The following ASIC2 variants were observed in gnomAD, a reference collection of about 807,000 sequenced individuals.
ASIC2 encodes acid sensing ion channel subunit 2.
In ASIC2, 25 loss-of-function variants were observed where a neutral mutation model predicts 57.3. The observed-to-expected ratio is 0.44, with a 90% CI of 0.32 to 0.61. The LOEUF (loss-of-function observed/expected upper bound fraction) is 0.61. ASIC2 is among the 20% of genes least tolerant of loss of function. The pLI is 0.06. For missense variants in ASIC2, 641 were observed against 738.1 expected (o/e 0.87, Z 1.52); for synonymous variants, 319 against 307.5 (o/e 1.04, Z -0.39).
chr17:33,543,312 A>T (rs1281549928), intron 1 of ASIC2, among the ~76,000 whole-genome samples: 6 of 135,764 alleles, frequency 4.4e-5, no homozygotes, highest in Non-Finnish European at 6.2e-5. Flanking sequence ...CAAAAAAAAC[A>T]AATCAATCTT....
At chr17:33,698,080 T>G (rs989621136) in intron 1 of ASIC2, among the ~76,000 whole-genome samples, 1 of 152,256 alleles carries the variant, frequency 6.6e-6, no homozygotes, top group African/African-American at 2.4e-5. Flanking sequence ...CTACTTTATA[T>G]TCACATAATT....
rs532777362 is a variant in ASIC2, at chr17:33,542,619, T to G, written c.556-430552A>C. Among the ~76,000 whole-genome samples the G allele has an allele frequency of 4.1e-3, 344 of 84,610 alleles. 13 individuals are homozygous for G. The Admixed American group carries it at 0.044, about 11-fold the overall frequency. 55.5% of individuals were successfully genotyped at this position (84,610 alleles called of 152,430 possible). ...TTTGTTTTTTTCTTGTAAATTTGTT[T>G]GAGTTCATTGTAGATTCTGGATATT... On this transcript the variant is annotated intron_variant, in intron 1 of 9. Coordinates refer to the ASIC2 transcript ENST00000359872.
intron 1 of ASIC2, among the ~76,000 whole-genome samples, chr17:33,258,224 T>C (rs912049809): frequency 2.0e-5 from 3 of 152,246 alleles, no homozygotes; most frequent in Non-Finnish European, 4.4e-5. Context: ...TTTAGGAGTA[T>C]CTAGTTACAC....
chr17:33,670,385 A>T (rs1907605643), intron 1 of ASIC2, among the ~76,000 whole-genome samples: 1 of 152,226 alleles, frequency 6.6e-6, no homozygotes, highest in South Asian at 2.1e-4. Context: ...GGAATGCTGA[A>T]TCTTCAGGAC....
intron 1 of ASIC2, among the ~76,000 whole-genome samples, chr17:33,446,923 G>A (rs922874328): frequency 3.9e-5 from 6 of 152,152 alleles, no homozygotes; most frequent in African/African-American, 1.4e-4. Context: ...ATAATTATCT[G>A]CCTAAGATAT....
intron 1 of ASIC2, among the ~76,000 whole-genome samples, chr17:33,556,477 G>C (rs1268079997): frequency 6.6e-6 from 1 of 152,160 alleles, no homozygotes; most frequent in African/African-American, 2.4e-5. Flanking sequence ...TAATGCCAAG[G>C]AGCCACTGGA....
At chr17:33,650,387 T>C (rs1906880944) in intron 1 of ASIC2, among the ~76,000 whole-genome samples, 1 of 152,168 alleles carries the variant, frequency 6.6e-6, no homozygotes, top group African/African-American at 2.4e-5. Context: ...CTGGCGAGCA[T>C]GTAAAATGAC....
intron 1 of ASIC2, among the ~76,000 whole-genome samples, chr17:33,155,772 C>A (rs370573013): frequency 6.6e-6 from 1 of 152,150 alleles, no homozygotes; most frequent in East Asian, 1.9e-4. Flanking sequence ...GTTGGCCAGG[C>A]TGGTCTCCAA....
At chr17:34,112,047 G>T (rs1316093914) in intron 1 of ASIC2, among the ~76,000 whole-genome samples, 3 of 151,968 alleles carry the variant, frequency 2.0e-5, no homozygotes, top group African/African-American at 4.8e-5. Context: ...TTTTTTTAAG[G>T]TATTAGTAAC....
chr17:33,883,065 C>A (rs957075050), intron 1 of ASIC2, among the ~76,000 whole-genome samples: 11 of 151,886 alleles, frequency 7.2e-5, no homozygotes, highest in African/African-American at 2.7e-4. Flanking sequence ...ACAATGAGAA[C>A]ACATGGACAC....
At chr17:33,276,694 T>C (rs944414565) in intron 1 of ASIC2, among the ~76,000 whole-genome samples, 2 of 152,166 alleles carry the variant, frequency 1.3e-5, no homozygotes, top group Non-Finnish European at 2.9e-5. Context: ...CATTTCAGTA[T>C]CATATAAAGA....
intron 1 of ASIC2, among the ~76,000 whole-genome samples, chr17:33,680,143 G>C (rs557538851): frequency 6.6e-6 from 1 of 152,234 alleles, no homozygotes; most frequent in Admixed American, 6.5e-5. Flanking sequence ...GCATGCAGGA[G>C]GCTTAAAGAT....
intron 1 of ASIC2, among the ~76,000 whole-genome samples, chr17:33,398,535 G>A (rs950767328): frequency 6.6e-6 from 1 of 152,098 alleles, no homozygotes; most frequent in African/African-American, 2.4e-5. Flanking sequence ...GATGGTGATG[G>A]TTATAATAAT....
intron 1 of ASIC2, among the ~76,000 whole-genome samples, chr17:33,320,022 G>A (rs566353747): frequency 7.2e-5 from 11 of 152,294 alleles, no homozygotes; most frequent in African/African-American, 2.6e-4. Flanking sequence ...AGTAATTCAT[G>A]TGCAACCTGG....
chr17:33,866,298 G>A lies in ASIC2; in HGVS notation c.555+289680C>T, dbSNP rs138830035. Among the ~76,000 whole-genome samples the A allele has an allele frequency of 6.1e-3, 932 of 152,190 alleles. 8 individuals are homozygous for A. The highest frequency in any genetic ancestry group is 9.5e-3 in the Non-Finnish European group (643 of 68,008). On this transcript the variant is annotated intron_variant, in intron 1 of 9. Coordinates refer to the ASIC2 transcript ENST00000359872. The stretch of plus-strand genomic sequence containing the variant: ...TGTACCAATTTACACCCCAACATCA[G>A]TTTTTGAAAGTTCTCAAATTTGTCC...
At chr17:33,933,885 AG>A (rs1316508565) in intron 1 of ASIC2, among the ~76,000 whole-genome samples, 1 of 152,222 alleles carries the variant, frequency 6.6e-6, no homozygotes, top group Non-Finnish European at 1.5e-5. Context: ...GAGCTGCAGG[AG>A]ATTTTCATGC....
chr17:33,181,293 C>T (rs1440664085), intron 1 of ASIC2, among the ~76,000 whole-genome samples: 1 of 152,098 alleles, frequency 6.6e-6, no homozygotes, highest in Admixed American at 6.5e-5. Context: ...TAGAAAAACA[C>T]AAAAGTGTTT....
At chr17:33,797,216 G>A (rs1471235411) in intron 1 of ASIC2, among the ~76,000 whole-genome samples, 1 of 152,176 alleles carries the variant, frequency 6.6e-6, no homozygotes, top group African/African-American at 2.4e-5. Flanking sequence ...CTTGAGCTGG[G>A]TCTTACATGA....
At chr17:33,056,013 C>T (rs1239594874) in intron 3 of ASIC2, among the ~76,000 whole-genome samples, 2 of 152,172 alleles carry the variant, frequency 1.3e-5, no homozygotes, top group Non-Finnish European at 2.9e-5. Context: ...TAGTATTTTT[C>T]GAAAACTCCC....
Sources: gnomAD v4.1 joint callset for allele counts (sites outside exome capture counted in the v4.1 genomes callset) on GRCh38, gnomAD v4.1.1 for gene constraint, MANE v1.5 for transcripts, NCBI Gene and HGNC (gene_info 2026-07-23, HGNC 2026-07-21) for gene names.